CADM2: variants seen among roughly 807,000 people sequenced by gnomAD.
CADM2 encodes the protein cell adhesion molecule 2.
A neutral mutation model predicts 49.8 loss-of-function variants in CADM2; 12 were observed. That is an observed-to-expected ratio of 0.24 (90% CI 0.15 to 0.39). The LOEUF is 0.39. Ranked by LOEUF, CADM2 falls within the 10% of genes least tolerant of loss-of-function variation. The pLI is 1.00. For synonymous variants in CADM2, 214 were observed against 175.4 expected, an observed-to-expected ratio of 1.22 and a Z score of -1.74; for missense variants, 378 against 492.3, an observed-to-expected ratio of 0.77 and a Z score of 2.20.
At chr3:85,979,210 C>A in intron 8 of CADM2, 1 of 1,610,992 alleles carries the variant, frequency 6.2e-7, no homozygotes, top group Non-Finnish European at 8.5e-7. Flanking sequence ...CCTCCCTTAC[C>A]ACTGCAACAG....
At chr3:85,398,365 A>G (rs542494759) in intron 1 of CADM2, among the ~76,000 whole-genome samples, 2 of 152,200 alleles carry the variant, frequency 1.3e-5, no homozygotes, top group South Asian at 4.1e-4. Context: ...ATAGTTTTCC[A>G]TGGTGTATAT....
At chr3:85,278,344 T>C (rs1191306037) in intron 1 of CADM2, among the ~76,000 whole-genome samples, 2 of 151,418 alleles carry the variant, frequency 1.3e-5, no homozygotes, top group Non-Finnish European at 1.5e-5. Flanking sequence ...TTACATATAA[T>C]GCTATTTTGT....
intron 2 of CADM2, among the ~76,000 whole-genome samples, chr3:85,766,970 G>A (rs1445511563): frequency 6.6e-6 from 1 of 152,038 alleles, no homozygotes; most frequent in African/African-American, 2.4e-5. Context: ...TCATAGATTA[G>A]CAGCTCCCAC....
intron 1 of CADM2, among the ~76,000 whole-genome samples, chr3:85,235,956 C>A (rs1449493426): frequency 6.6e-6 from 1 of 152,094 alleles, no homozygotes; most frequent in Non-Finnish European, 1.5e-5. Flanking sequence ...GGTATATGGT[C>A]TGTATCTGTT....
chr3:85,680,544 C>A (rs993363394), intron 1 of CADM2, among the ~76,000 whole-genome samples: 5 of 151,966 alleles, frequency 3.3e-5, no homozygotes, highest in Non-Finnish European at 7.4e-5. Flanking sequence ...TTATGTGCTC[C>A]ATAAGTGATT....
chr3:85,518,770 G>A (rs2060962780), intron 1 of CADM2, among the ~76,000 whole-genome samples: 1 of 152,026 alleles, frequency 6.6e-6, no homozygotes, highest in Admixed American at 6.6e-5. Flanking sequence ...CTCTCATTAA[G>A]GACATTGTAA....
chr3:85,885,921 T>G (rs1713583404), intron 4 of CADM2, among the ~76,000 whole-genome samples: 1 of 151,716 alleles, frequency 6.6e-6, no homozygotes, highest in Non-Finnish European at 1.5e-5. Flanking sequence ...TCTTACATAC[T>G]TTTTTGATAC....
intron 8 of CADM2, among the ~76,000 whole-genome samples, chr3:86,031,632 T>A (rs1194231343): frequency 6.6e-6 from 1 of 151,832 alleles, no homozygotes; most frequent in African/African-American, 2.4e-5. Context: ...CATTCACTTA[T>A]TTATCCTTAT....
intron 1 of CADM2, among the ~76,000 whole-genome samples, chr3:85,119,098 T>C (rs935419537): frequency 6.6e-6 from 1 of 152,162 alleles, no homozygotes; most frequent in Non-Finnish European, 1.5e-5. Context: ...CTCTAGTAGA[T>C]ATATACAATG....
At position 85,124,606 on chromosome 3, in the gene CADM2, A is replaced by C. The variant is rs143695249; in HGVS notation, c.61+164938A>C. On this transcript the variant is annotated intron_variant, in intron 1 of 9. Coordinates refer to ENST00000383699, the MANE Select transcript of CADM2 (RefSeq NM_001167675.2). ...TAACAGTGCTAGATATTGTGTCTCA[A>C]AAAACAAACTAACTAACAAACAAAA... 1.2e-3 allele frequency among the ~76,000 whole-genome samples: 190 copies of C among 152,312 alleles called. 3 individuals are homozygous for C. The East Asian group carries it at 0.03, about 24-fold the overall frequency.
chr3:85,335,089 C>A (rs973954907), intron 1 of CADM2, among the ~76,000 whole-genome samples: 6 of 151,300 alleles, frequency 4.0e-5, no homozygotes, highest in Admixed American at 2.0e-4. Flanking sequence ...TAAAATGCTA[C>A]AAACATGTTC....
intron 8 of CADM2, among the ~76,000 whole-genome samples, chr3:86,020,077 G>C (rs1732918514): frequency 6.6e-6 from 1 of 152,032 alleles, no homozygotes; most frequent in African/African-American, 2.4e-5. Flanking sequence ...CAACAAAATT[G>C]ATGGACCGCT....
At chr3:85,789,133 T>C (rs1044170973) in intron 2 of CADM2, among the ~76,000 whole-genome samples, 1 of 152,116 alleles carries the variant, frequency 6.6e-6, no homozygotes, top group Non-Finnish European at 1.5e-5. Flanking sequence ...TATTGTATGC[T>C]CAGCACTATA....
intron 1 of CADM2, among the ~76,000 whole-genome samples, chr3:85,347,655 T>A (rs1338012894): frequency 1.2e-4 from 17 of 139,404 alleles, no homozygotes; most frequent in South Asian, 4.4e-4. Flanking sequence ...ATATATATTT[T>A]TTTTAAGATG....
chr3:85,817,838 C>A (rs1373392304), intron 3 of CADM2, among the ~76,000 whole-genome samples: 1 of 151,826 alleles, frequency 6.6e-6, no homozygotes, highest in Middle Eastern at 3.2e-3. Flanking sequence ...AACAAAAAAA[C>A]CTTCTTGAGG....
intron 1 of CADM2, among the ~76,000 whole-genome samples, chr3:85,165,049 G>A (rs1007498253): frequency 6.6e-6 from 1 of 151,696 alleles, no homozygotes. Context: ...AAATTTAAAA[G>A]TCAATAGCTA....
At position 85,920,481 on chromosome 3, in the gene CADM2, C is replaced by T. The variant is rs182806034; in HGVS notation, c.700+7938C>T. On this transcript the variant is annotated intron_variant, in intron 6 of 9. Coordinates refer to ENST00000383699, the MANE Select transcript of CADM2 (RefSeq NM_001167675.2). The stretch of plus-strand genomic sequence containing the variant: ...ATATATGCTAGAATCATAAGGTGAT[C>T]TATGCTGTTTAGTAAGAGATGCATT... 2.7e-3 allele frequency among the ~76,000 whole-genome samples: 412 copies of T among 151,844 alleles called. 1 individual carries two copies. The highest frequency in any genetic ancestry group is 9.7e-3 in the African/African-American group (403 of 41,500).
chr3:85,030,842 A>C (rs2034944213), intron 1 of CADM2, among the ~76,000 whole-genome samples: 1 of 152,130 alleles, frequency 6.6e-6, no homozygotes, highest in Admixed American at 6.5e-5. Flanking sequence ...TACCCTAAAA[A>C]ACTAAATATC....
chr3:85,130,118 A>C (rs1168792084), intron 1 of CADM2, among the ~76,000 whole-genome samples: 25 of 152,214 alleles, frequency 1.6e-4, no homozygotes, highest in Admixed American at 1.6e-3. Flanking sequence ...CACATTAAAT[A>C]GGGAGCAGAC....
Sources: allele counts gnomAD v4.1 joint callset (sites outside exome capture counted in the v4.1 genomes callset), GRCh38; gene constraint gnomAD v4.1.1; transcripts MANE v1.5; gene names NCBI Gene and HGNC (gene_info 2026-07-23, HGNC 2026-07-21).